ITIH6: variants seen among roughly 807,000 people sequenced by gnomAD.
ITIH6 encodes inter-alpha-trypsin inhibitor heavy chain family member 6, also known as inter-alpha-trypsin inhibitor heavy chain H6.
ITIH6 carries 60 observed loss-of-function variants against 58.2 expected under a neutral mutation model. The observed-to-expected ratio is 1.03, with a 90% CI of 0.84 to 1.28. ITIH6 has a LOEUF of 1.28. Among genes scored for constraint, ITIH6 ranks in the 50% most tolerant of loss-of-function variants. The pLI, the probability that ITIH6 is intolerant of heterozygous loss-of-function variation, is 0.00. For synonymous variants in ITIH6, 493 were observed against 417.4 expected (o/e 1.18, Z -2.21); for missense variants, 1,290 against 1,021.1 (o/e 1.26, Z -3.59).
In ITIH6 at chrX:54,758,717, A is replaced by C. The variant is rs202152221; in HGVS notation, c.1357T>G (p.Tyr453Asp). The change falls in exon 8 of 13, where the codon TAT becomes GAT. Residue 453 changes from tyrosine to aspartate, a missense_variant. Coordinates refer to ENST00000218436, the MANE Select transcript of ITIH6 (RefSeq NM_198510.3). ...LENRGIARRI[Y>D]EDTDAALQLK... Reference sequence around the variant, plus strand: ...TGTAGGGCCGCATCAGTGTCCTCATATATGCGCCGGGCTATTCCCCGGTTT... The same window carrying C: ...TGTAGGGCCGCATCAGTGTCCTCATCTATGCGCCGGGCTATTCCCCGGTTT... The C allele has an allele frequency of 3.3e-6, 4 of 1,211,406 alleles. No homozygotes were observed. The highest frequency in any genetic ancestry group is 4.5e-6 in the Non-Finnish European group (4 of 895,355).
chrX:54,758,806 G>A lies in ITIH6; in HGVS notation c.1268C>T (p.Ser423Phe). The change falls in exon 8 of 13, where the codon TCC becomes TTC. Residue 423 changes from serine to phenylalanine, a missense_variant. Ser to Phe is a radical substitution (Grantham distance 155, BLOSUM62 -2). Coordinates refer to ENST00000218436, the MANE Select transcript of ITIH6 (RefSeq NM_198510.3). ...NVRQALGHRVSLFSLAFGDDA... is the reference protein window; with the variant it reads ...NVRQALGHRVFLFSLAFGDDA... ...ATCCCCAAAGGCCAAGCTGAAAAGG[G>A]ATACCCTGTGGCCTAGCGCCTGACG... The A allele has an allele frequency of 8.3e-7, 1 of 1,210,613 alleles. No homozygotes were observed. Among genetic ancestry groups the A allele is most frequent in the Non-Finnish European group, 1.1e-6 (1 of 894,807 alleles).
intron 6 of ITIH6, among the ~76,000 whole-genome samples, chrX:54,768,953 G>T (rs2147609967): frequency 9.2e-6 from 1 of 109,272 alleles, no homozygotes; most frequent in South Asian, 3.9e-4. Context: ...AAGTTCTCCT[G>T]GATAATATCC....
intron 6 of ITIH6, among the ~76,000 whole-genome samples, chrX:54,765,635 T>C (rs1928763856): frequency 9.7e-6 from 1 of 103,381 alleles, no homozygotes; most frequent in African/African-American, 3.6e-5. Context: ...CTCGCTCTGT[T>C]GCCCAGGCCA....
intron 5 of ITIH6, among the ~76,000 whole-genome samples, chrX:54,783,312 C>T (rs746937847): frequency 9.0e-6 from 1 of 111,716 alleles, no homozygotes; most frequent in Non-Finnish European, 1.9e-5. Flanking sequence ...CACTGTTATT[C>T]CACAAAGTAC....
At chrX:54,751,465 G>T in intron 11 of ITIH6, 85 bp from the exon 12 acceptor site, 1 of 1,059,611 alleles carries the variant, frequency 9.4e-7, no homozygotes. Flanking sequence ...AGATGAAGTA[G>T]TGCAGATTTG....
In ITIH6 at chrX:54,757,062, C is replaced by T. The variant is rs1189838476; in HGVS notation, c.3012G>A (p.Glu1004=). ...TTGATTCAGACAGCAGCTCTAGCTC[C>T]TCAGGGAGAAGGAGCAGACTGATGG... ...PEAISLLLLP[E]ELELLSESMV... is the part of the protein sequence containing the mutation. The change falls in exon 8 of 13, where the codon GAG becomes GAA. Residue 1004 remains glutamate, a synonymous_variant. Coordinates refer to ENST00000218436, the MANE Select transcript of ITIH6 (RefSeq NM_198510.3). 1 of 1,209,818 alleles carries T rather than the reference C, an allele frequency of 8.3e-7. No homozygotes were observed. Among genetic ancestry groups the T allele is most frequent in the African/African-American group, 1.7e-5 (1 of 57,208 alleles).
intron 6 of ITIH6, among the ~76,000 whole-genome samples, chrX:54,767,640 C>T (rs1435261164): frequency 3.9e-5 from 4 of 103,454 alleles, no homozygotes; most frequent in Middle Eastern, 5.0e-3. Flanking sequence ...GCCTTCATTT[C>T]GTTATGCACC....
chrX:54,755,315 C>CCATTCATT (rs759710767), intron 8 of ITIH6, among the ~76,000 whole-genome samples: 2 of 112,065 alleles, frequency 1.8e-5, no homozygotes, highest in Admixed American at 9.4e-5. Context: ...ATTCATTTGT[C>CCATTCATT]CATTCATTCA....
chrX:54,758,425 C>T lies in ITIH6; in HGVS notation c.1649G>A (p.Gly550Glu), dbSNP rs781336899. The change falls in exon 8 of 13, where the codon GGG becomes GAG. Residue 550 changes from glycine to glutamate, a missense_variant. Gly to Glu is a moderately conservative substitution (Grantham distance 98, BLOSUM62 -2). Transcript: ENST00000218436. ...NNSQKAFGCP[G>E]EPAPNVAHFI... ...GTGGGCCACATTGGGGGCTGGCTCCCCTGGGCAACCAAAGGCCTTCTGGCT... is the reference window on the plus strand; with the variant it reads ...GTGGGCCACATTGGGGGCTGGCTCCTCTGGGCAACCAAAGGCCTTCTGGCT... 6.6e-6 allele frequency: 8 copies of T among 1,208,641 alleles called. No homozygotes were observed. Among genetic ancestry groups the T allele is most frequent in the Non-Finnish European group, 7.8e-6 (7 of 894,384 alleles).
chrX:54,755,149 C>T, intron 8 of ITIH6, 40 bp from the exon 9 acceptor site: 1 of 1,116,253 alleles, frequency 9.0e-7, no homozygotes, highest in Non-Finnish European at 1.2e-6. Context: ...CTTCAAATTC[C>T]AGGGGCAAAG....
chrX:54,760,679 C>T (rs1050328807), intron 6 of ITIH6, among the ~76,000 whole-genome samples: 5 of 111,133 alleles, frequency 4.5e-5, no homozygotes, highest in African/African-American at 1.3e-4. Flanking sequence ...TGAGTGAGAA[C>T]ATGTGGTGTT....
At chrX:54,750,293 T>C (rs1025124770) in intron 12 of ITIH6, among the ~76,000 whole-genome samples, 187 bp from the exon 13 acceptor site, 1 of 110,343 alleles carries the variant, frequency 9.1e-6, no homozygotes, top group Non-Finnish European at 1.9e-5. Context: ...TGGAGTGTAA[T>C]ATGGAAGTAG....
rs201968410 is a variant in ITIH6 at position 54,790,860 on chromosome X, C to T, written c.593G>A (p.Arg198His). Residue 198 changes from arginine to histidine, a missense_variant, in exon 4 of 13, where the codon CGT becomes CAT. Physicochemically the swap from Arg to His is conservative, Grantham distance 29. Coordinates refer to ENST00000218436, the MANE Select transcript of ITIH6 (RefSeq NM_198510.3). ...YVHIPPLRTG[R>H]LRTNAHASEV... Reference sequence around the variant, plus strand: ...ACTTGCATGGGCATTGGTGCGCAGACGGCCGGTCCTCAGGGGTGGTATGTG... The same window carrying T: ...ACTTGCATGGGCATTGGTGCGCAGATGGCCGGTCCTCAGGGGTGGTATGTG... The T allele has an allele frequency of 9.2e-5, 111 of 1,211,018 alleles. No individual in the cohort carries two copies. The highest frequency in any genetic ancestry group is 1.1e-4 in the Non-Finnish European group (102 of 895,384).
At position 54,762,729 on chromosome X, in the gene ITIH6, A is replaced by G. The variant is rs993520419; in HGVS notation, c.904-2802T>C. On this transcript the variant is annotated intron_variant, in intron 6 of 12. Transcript: ENST00000218436. ...TTTACATGAAATATTTTTACTTTCT[A>G]TCCAAATATTGAACCCTTTGAGAGA... Among the ~76,000 whole-genome samples the G allele has an allele frequency of 1.2e-4, 13 of 111,959 alleles. 1 individual carries two copies. The highest frequency in any genetic ancestry group is 4.2e-4 in the African/African-American group (13 of 30,792).
Position 54,749,342 on chromosome X carries a change from TTGGG to T in ITIH6, c.*549_*552del. The T allele has an allele frequency of 8.9e-6, 1 of 112,561 alleles. No individual in the cohort carries two copies. The highest frequency in any genetic ancestry group is 1.9e-5 in the Non-Finnish European group (1 of 53,645). 9.3% of individuals were successfully genotyped at this position (112,561 alleles called of 1,213,427 possible). A position where few individuals can be genotyped will look rare whatever the true frequency, so the allele number is the denominator to read the frequency against. ...GTATAAATACTGTGAGCGTGGAGGG[TTGGG>T]GGTGGGCTATAGGAACCCAGAGGAC... On this transcript the variant is annotated 3_prime_UTR_variant, in exon 13 of 13. Transcript: ENST00000218436.
chrX:54,790,330 C>T (rs1289352564), intron 4 of ITIH6, among the ~76,000 whole-genome samples: 1 of 111,927 alleles, frequency 8.9e-6, no homozygotes, highest in African/African-American at 3.3e-5. Flanking sequence ...TCTGATGTAG[C>T]CAGTCTGGGC....
chrX:54,754,651 G>A (rs979899973), intron 9 of ITIH6, among the ~76,000 whole-genome samples: 6 of 111,327 alleles, frequency 5.4e-5, no homozygotes, highest in East Asian at 2.8e-4. Flanking sequence ...AGCTGAGAGC[G>A]ATCCTCCAGC....
In ITIH6 at chrX:54,757,023, C is replaced by T. The variant is rs1159115381; in HGVS notation, c.3051G>A (p.Lys1017=). The change falls in exon 8 of 13, where the codon AAG becomes AAA. Residue 1017 remains lysine (K), a synonymous_variant. Coordinates refer to ENST00000218436, the MANE Select transcript of ITIH6 (RefSeq NM_198510.3). ...ELLSESMVES[K]FVESLNPPAF... is the part of the protein sequence containing the mutation. ...CTGGTGGGTTCAAGGACTCCACGAA[C>T]TTGGATTCCACCATTGATTCAGACA... The T allele has an allele frequency of 5.8e-6, 7 of 1,210,008 alleles. No individual in the cohort carries two copies. Among genetic ancestry groups the T allele is most frequent in the Non-Finnish European group, 7.8e-6 (7 of 894,764 alleles).
chrX:54,775,689 C>CT (rs1291658774), intron 5 of ITIH6, among the ~76,000 whole-genome samples: 9 of 111,863 alleles, frequency 8.0e-5, no homozygotes, highest in Non-Finnish European at 7.5e-5. Context: ...TCTCTAGCCT[C>CT]TTTTTTCCCT....
Sources: gnomAD v4.1 joint callset for allele counts (sites outside exome capture counted in the v4.1 genomes callset) on GRCh38, gnomAD v4.1.1 for gene constraint, MANE v1.5 for transcripts, NCBI Gene and HGNC (gene_info 2026-07-23, HGNC 2026-07-21) for gene names.